The following EZH1 variants were observed in gnomAD, a reference collection of about 807,000 sequenced individuals.
EZH1 encodes histone-lysine N-methyltransferase EZH1.
Under a neutral mutation model 100.5 loss-of-function variants are expected in EZH1, and 33 were observed. The observed-to-expected ratio is 0.33, with a 90% CI of 0.25 to 0.44. The LOEUF is 0.44. EZH1 is among the 20% of genes least tolerant of loss of function. The pLI is 1.00. For synonymous variants in EZH1, 272 were observed against 313.8 expected, an observed-to-expected ratio of 0.87 and a Z score of 1.41; for missense variants, 475 against 928.4, an observed-to-expected ratio of 0.51 and a Z score of 6.35.
chr17:42,708,018 T>C lies in EZH1; in HGVS notation c.1600A>G (p.Thr534Ala). 6.2e-7 allele frequency: 1 copy of C among 1,613,128 alleles called. No homozygotes were observed. The highest frequency in any genetic ancestry group is 8.5e-7 in the Non-Finnish European group (1 of 1,179,738). ...TTCTGAGTCATGATGCAGGGGCAGG[T>C]GCTGTCACAGGGGCGGTCTGGGTGG... is the stretch of plus-strand genomic sequence containing the variant. ...CDHPDRPCDS[T>A]CPCIMTQNFC... The change falls in exon 15 of 21, where the codon ACC becomes GCC. Residue 534 changes from threonine (T) to alanine (A), a missense_variant. Coordinates refer to ENST00000428826, the MANE Select transcript of EZH1 (RefSeq NM_001991.5).
intron 4 of EZH1, among the ~76,000 whole-genome samples, chr17:42,726,089 G>T (rs2053813983): frequency 6.6e-6 from 1 of 151,524 alleles, no homozygotes. Flanking sequence ...ATGTTGGCCA[G>T]GCTGGTCTTG....
chr17:42,720,787 G>A (rs1019209144), intron 6 of EZH1, among the ~76,000 whole-genome samples: 2 of 152,122 alleles, frequency 1.3e-5, no homozygotes, highest in Non-Finnish European at 2.9e-5. Context: ...AGCCTCCCGA[G>A]TAGCTGAGAT....
intron 1 of EZH1, among the ~76,000 whole-genome samples, chr17:42,740,546 T>G (rs1194213257): frequency 6.6e-6 from 1 of 152,156 alleles, no homozygotes; most frequent in Non-Finnish European, 1.5e-5. Flanking sequence ...TACAAGATCT[T>G]GCTATGTTTC....
Position 42,702,862 on chromosome 17 carries a change from T to C in EZH1, c.2183+15A>G, listed in dbSNP as rs1359376098. The C allele has an allele frequency of 3.1e-6, 5 of 1,613,678 alleles. No individual in the cohort carries two copies. The Admixed American group carries it at 8.3e-5, about 27-fold the overall frequency. On this transcript the variant is annotated intron_variant, in intron 20 of 20. Transcript: ENST00000428826. ...TTCCTGGGCCACATCCCAAGGACCA[T>C]TACTGGCACCTCACCTGTAATCAAA...
At chr17:42,703,082 G>T in intron 19 of EZH1, 121 bp from the exon 20 acceptor site, 1 of 929,812 alleles carries the variant, frequency 1.1e-6, no homozygotes, top group Non-Finnish European at 1.7e-6. Context: ...GAATTAGAAA[G>T]TAGTCAATAT....
At chr17:42,717,883 G>T in intron 10 of EZH1, 93 bp downstream of exon 10, 1 of 1,110,414 alleles carries the variant, frequency 9.0e-7, no homozygotes, top group Non-Finnish European at 1.4e-6. Context: ...TGTTTTATTT[G>T]TGCTATATGA....
intron 1 of EZH1, among the ~76,000 whole-genome samples, chr17:42,734,321 T>C (rs2054020493): frequency 6.6e-6 from 1 of 152,244 alleles, no homozygotes; most frequent in East Asian, 1.9e-4. Flanking sequence ...ATTACAGGCA[T>C]GAGCCACCGC....
chr17:42,717,164 A>G (rs1261215269), intron 10 of EZH1, among the ~76,000 whole-genome samples: 1 of 152,196 alleles, frequency 6.6e-6, no homozygotes, highest in Non-Finnish European at 1.5e-5. Context: ...AAAATAAGAC[A>G]AGGTATGTTA....
rs574543089 is a variant in EZH1 at position 42,727,349 on chromosome 17, C to T, written c.246+286G>A. ...TTTATTTCAGCCTTGAACTTCTGGGCTCAAGAAATCCTTCCACCTCAGCCT... is the reference window on the plus strand; with the variant it reads ...TTTATTTCAGCCTTGAACTTCTGGGTTCAAGAAATCCTTCCACCTCAGCCT... On this transcript the variant is annotated intron_variant, in intron 4 of 20. Transcript: ENST00000428826. Among the ~76,000 whole-genome samples the T allele has an allele frequency of 3.9e-5, 6 of 152,058 alleles. No individual in the cohort carries two copies. The East Asian group carries it at 1.2e-3, about 29-fold the overall frequency.
At chr17:42,722,625 C>CA (rs11298431) in intron 6 of EZH1, among the ~76,000 whole-genome samples, 170 bp downstream of exon 6, 16,231 of 104,050 alleles carry the variant, frequency 0.16, 1,467 homozygotes, top group Middle Eastern at 0.23. Flanking sequence ...AACTCCGTCT[C>CA]AAAAAAAAAA....
intron 15 of EZH1, 109 bp downstream of exon 15, chr17:42,707,849 G>A (rs1263143961): frequency 7.5e-7 from 1 of 1,330,064 alleles, no homozygotes; most frequent in East Asian, 2.3e-5. Flanking sequence ...ACACAGCAAA[G>A]GGGATATCAG....
Position 42,718,305 on chromosome 17 carries a change from T to C in EZH1, c.931+149A>G. 1 of 1,097,698 alleles carries C rather than the reference T, an allele frequency of 9.1e-7. No homozygotes were observed. The highest frequency in any genetic ancestry group is 1.3e-6 in the Non-Finnish European group (1 of 778,910). The allele number at this position is 1,097,698 out of a possible 1,614,324, so 68.0% of individuals were successfully genotyped here. The stretch of plus-strand genomic sequence containing the variant: ...CTATCATGCAAAGCATGTTGCACTA[T>C]AATTGAGCAAGGGAAAATAGAACTG... On this transcript the variant is annotated intron_variant, in intron 9 of 20. Coordinates refer to ENST00000428826, the MANE Select transcript of EZH1 (RefSeq NM_001991.5). The surrounding 1 kb of genome is among the most constrained non-coding windows in gnomAD (Gnocchi z 4.2).
intron 1 of EZH1, among the ~76,000 whole-genome samples, chr17:42,741,188 C>T (rs974227958): frequency 5.9e-5 from 9 of 152,178 alleles, no homozygotes; most frequent in South Asian, 2.1e-4. Context: ...TTTTCTGGGA[C>T]GCTACTAGTG....
intron 10 of EZH1, among the ~76,000 whole-genome samples, 181 bp from the exon 11 acceptor site, chr17:42,713,570 T>C (rs1451052846): frequency 1.3e-5 from 2 of 152,218 alleles, no homozygotes; most frequent in East Asian, 3.8e-4. Flanking sequence ...ACTTACGTAC[T>C]TTTTCACAAA....
In EZH1 at chr17:42,726,836, C is replaced by A. The variant is rs115420795; in HGVS notation, c.246+799G>T. On this transcript the variant is annotated intron_variant, in intron 4 of 20. Coordinates refer to ENST00000428826, the MANE Select transcript of EZH1 (RefSeq NM_001991.5). ...GCCAAAGTTTCTTAACTAGAAAATT[C>A]TTTTATTTATTTATTATTTATTATT... is the stretch of plus-strand genomic sequence containing the variant. Among the ~76,000 whole-genome samples the A allele has an allele frequency of 9.7e-3, 1,476 of 151,530 alleles. 25 individuals carry two copies. Among genetic ancestry groups the A allele is most frequent in the African/African-American group, 0.034 (1,421 of 41,336 alleles).
chr17:42,717,063 T>A (rs2053619981), intron 10 of EZH1, among the ~76,000 whole-genome samples: 1 of 152,192 alleles, frequency 6.6e-6, no homozygotes. Context: ...ATTTCATCGC[T>A]GCCATACCGC....
intron 18 of EZH1, 64 bp from the exon 19 acceptor site, chr17:42,703,884 A>G: frequency 1.7e-6 from 2 of 1,185,862 alleles, no homozygotes; most frequent in African/African-American, 3.0e-5. Context: ...TCTCAGCTTG[A>G]ATTTAAAATC....
chr17:42,702,709 C>A, intron 20 of EZH1, 117 bp from the exon 21 acceptor site: 2 of 1,295,576 alleles, frequency 1.5e-6, no homozygotes, highest in Non-Finnish European at 2.2e-6. Flanking sequence ...TTACAATGGT[C>A]CCACTTCTGA....
At chr17:42,723,890 C>T (rs1048239106) in intron 5 of EZH1, among the ~76,000 whole-genome samples, 1 of 152,194 alleles carries the variant, frequency 6.6e-6, no homozygotes, top group African/African-American at 2.4e-5. Context: ...GTGTGCACGT[C>T]TGTTGTCTCA....
Sources: allele counts gnomAD v4.1 joint callset (sites outside exome capture counted in the v4.1 genomes callset), GRCh38; gene constraint gnomAD v4.1.1; non-coding constraint Gnocchi (gnomAD v3.1); transcripts MANE v1.5; gene names NCBI Gene and HGNC (gene_info 2026-07-23, HGNC 2026-07-21).